Variants in PLCB1 observed in about 807,000 individuals in gnomAD.
PLCB1 encodes the protein 1-phosphatidylinositol 4,5-bisphosphate phosphodiesterase beta-1.
A neutral mutation model predicts 161.8 loss-of-function variants in PLCB1; 46 were observed. That is an observed-to-expected ratio of 0.28 (90% CI 0.22 to 0.36). The LOEUF is 0.36. Ranked by LOEUF, PLCB1 falls within the 10% of genes least tolerant of loss-of-function variation. The pLI, the probability that PLCB1 is intolerant of heterozygous loss-of-function variation, is 1.00. For missense variants in PLCB1, 1,016 were observed against 1,472.5 expected (o/e 0.69, Z 5.07); for synonymous variants, 517 against 503.7 (o/e 1.03, Z -0.35).
intron 2 of PLCB1, among the ~76,000 whole-genome samples, chr20:8,252,856 G>A (rs943359608): frequency 1.3e-5 from 2 of 151,920 alleles, no homozygotes; most frequent in Admixed American, 1.3e-4. Context: ...CAATAGGCTT[G>A]AGTTAAAATG....
chr20:8,354,012 G>T (rs529880393), intron 2 of PLCB1, among the ~76,000 whole-genome samples: 1 of 150,056 alleles, frequency 6.7e-6, no homozygotes, highest in Non-Finnish European at 1.5e-5. Context: ...AGAATAGAAG[G>T]CTATTTAAAA....
intron 31 of PLCB1, among the ~76,000 whole-genome samples, chr20:8,847,733 T>A (rs1366357343): frequency 1.3e-5 from 2 of 152,124 alleles, no homozygotes; most frequent in African/African-American, 2.4e-5. Context: ...GCTTCAATAA[T>A]TTACTAGAAC....
At chr20:8,188,477 CT>C (rs1196285491) in intron 2 of PLCB1, among the ~76,000 whole-genome samples, 1 of 152,054 alleles carries the variant, frequency 6.6e-6, no homozygotes, top group Admixed American at 6.6e-5. Context: ...GCCTTTCCTG[CT>C]TTATGTTTAA....
intron 3 of PLCB1, among the ~76,000 whole-genome samples, chr20:8,394,816 T>A (rs930128269): frequency 5.4e-4 from 83 of 152,298 alleles, no homozygotes; most frequent in African/African-American, 1.9e-3. Context: ...TTGCCATCTA[T>A]AGTATATAGG....
Position 8,323,946 on chromosome 20 carries a change from A to G in PLCB1, c.178-47436A>G, listed in dbSNP as rs796779776. ...ACTAATTTTTATGCTCTATTCAACTATCCTTTAAAATATACTTATCTAGAG... is the reference window on the plus strand; with the variant it reads ...ACTAATTTTTATGCTCTATTCAACTGTCCTTTAAAATATACTTATCTAGAG... On this transcript the variant is annotated intron_variant, in intron 2 of 31. Transcript: ENST00000338037. Among the ~76,000 whole-genome samples the G allele has an allele frequency of 8.5e-5, 13 of 152,238 alleles. 1 individual carries two copies. The highest frequency in any genetic ancestry group is 3.1e-4 in the African/African-American group (13 of 41,548).
intron 26 of PLCB1, among the ~76,000 whole-genome samples, chr20:8,772,497 T>C (rs1982738026): frequency 6.6e-6 from 1 of 152,100 alleles, no homozygotes. Flanking sequence ...TGTAAGCTGG[T>C]GATGGGTATA....
intron 27 of PLCB1, among the ~76,000 whole-genome samples, chr20:8,779,110 A>C (rs1377250093): frequency 3.3e-5 from 5 of 152,188 alleles, no homozygotes; most frequent in African/African-American, 1.2e-4. Context: ...ATCTCCCAAA[A>C]TTGCTTTGGG....
intron 25 of PLCB1, among the ~76,000 whole-genome samples, chr20:8,761,011 G>A (rs547389906): frequency 6.2e-4 from 95 of 152,248 alleles, no homozygotes; most frequent in Non-Finnish European, 1.2e-3. Flanking sequence ...GTACACACAC[G>A]TTCACCAAAA....
At chr20:8,222,828 C>A (rs756100661) in intron 2 of PLCB1, among the ~76,000 whole-genome samples, 4 of 152,104 alleles carry the variant, frequency 2.6e-5, no homozygotes, top group Non-Finnish European at 5.9e-5. Context: ...CATCAGCCTT[C>A]TCTGTGAAAT....
intron 3 of PLCB1, among the ~76,000 whole-genome samples, chr20:8,561,011 C>G (rs987168437): frequency 1.3e-4 from 19 of 151,554 alleles, no homozygotes; most frequent in African/African-American, 4.6e-4. Context: ...TTAAACTGCT[C>G]AAGGAGAAAA....
At chr20:8,677,480 T>C (rs1179844918) in intron 9 of PLCB1, among the ~76,000 whole-genome samples, 1 of 152,148 alleles carries the variant, frequency 6.6e-6, no homozygotes, top group Non-Finnish European at 1.5e-5. Flanking sequence ...ATAATTCATG[T>C]TTTTTTCCAA....
intron 25 of PLCB1, among the ~76,000 whole-genome samples, chr20:8,762,492 AT>A (rs1982092927): frequency 6.6e-6 from 1 of 152,340 alleles, no homozygotes; most frequent in African/African-American, 2.4e-5. Flanking sequence ...ATGTGGATTT[AT>A]TTCTAATCGT....
intron 3 of PLCB1, among the ~76,000 whole-genome samples, chr20:8,506,825 T>C (rs1340452517): frequency 1.3e-5 from 2 of 152,170 alleles, no homozygotes; most frequent in African/African-American, 4.8e-5. Flanking sequence ...TAAAAGGATA[T>C]TATTGGAATT....
intron 2 of PLCB1, among the ~76,000 whole-genome samples, chr20:8,281,239 G>T (rs747883077): frequency 8.0e-4 from 121 of 152,066 alleles, no homozygotes; most frequent in Non-Finnish European, 1.6e-3. Flanking sequence ...TTGGCAAATA[G>T]GTGTGTTTTG....
chr20:8,211,140 T>C (rs62199992), intron 2 of PLCB1, among the ~76,000 whole-genome samples: 8,361 of 152,204 alleles, frequency 0.055, 328 homozygotes, highest in Non-Finnish European at 0.085. Flanking sequence ...AAGAAACTTA[T>C]TACATCCCTT....
intron 3 of PLCB1, among the ~76,000 whole-genome samples, chr20:8,533,499 A>G (rs932502996): frequency 3.8e-4 from 58 of 152,014 alleles, no homozygotes; most frequent in Non-Finnish European, 7.2e-4. Flanking sequence ...AAATGTTCCT[A>G]TTTCTCCACA....
At chr20:8,213,932 G>A (rs562996140) in intron 2 of PLCB1, among the ~76,000 whole-genome samples, 7 of 152,028 alleles carry the variant, frequency 4.6e-5, no homozygotes, top group African/African-American at 1.4e-4. Context: ...GTCATTTTCC[G>A]ACAGGGCAGA....
At chr20:8,391,670 C>A (rs958085185) in intron 3 of PLCB1, among the ~76,000 whole-genome samples, 1 of 151,326 alleles carries the variant, frequency 6.6e-6, no homozygotes, top group Non-Finnish European at 1.5e-5. Flanking sequence ...AGACATAAAT[C>A]ATAATGTTTG....
chr20:8,355,211 A>AGTG (rs1256229452), intron 2 of PLCB1, among the ~76,000 whole-genome samples: 1 of 151,932 alleles, frequency 6.6e-6, no homozygotes. Context: ...GATCAGAGAT[A>AGTG]GTGGTATTTG....
Sources: allele counts gnomAD v4.1 joint callset (sites outside exome capture counted in the v4.1 genomes callset), GRCh38; gene constraint gnomAD v4.1.1; transcripts MANE v1.5; gene names NCBI Gene and HGNC (gene_info 2026-07-23, HGNC 2026-07-21).